Variants in ZNF48 observed in about 807,000 individuals in gnomAD.
ZNF48 encodes the protein zinc finger protein 48.
Under a neutral mutation model 40.0 loss-of-function variants are expected in ZNF48, and 20 were observed. That is an observed-to-expected ratio of 0.50 (90% CI 0.35 to 0.73). The LOEUF is 0.73. ZNF48 is among the 30% of genes least tolerant of loss of function. The pLI, the probability that ZNF48 is intolerant of heterozygous loss-of-function variation, is 0.01. For synonymous variants in ZNF48, 298 were observed against 329.7 expected (o/e 0.90, Z 1.04); for missense variants, 726 against 851.9 (o/e 0.85, Z 1.84).
chr16:30,379,142 T>C (rs1305880725), intron 1 of ZNF48: 2 of 1,614,070 alleles, frequency 1.2e-6, no homozygotes, highest in Non-Finnish European at 1.7e-6. Context: ...TGCACCAGCA[T>C]CCGTCGCAGG....
intron 1 of ZNF48, chr16:30,380,022 C>A (rs1048088121): frequency 1.9e-6 from 3 of 1,611,536 alleles, no homozygotes; most frequent in Non-Finnish European, 2.5e-6. Flanking sequence ...CTTCCTTCAA[C>A]TGATCCCGGA....
chr16:30,398,672 A>G lies in ZNF48; in HGVS notation c.1422A>G (p.Thr474=), dbSNP rs769534439. Residue 474 remains threonine, a synonymous_variant, in exon 3 of 3, where the codon ACA becomes ACG. Transcript: ENST00000613509. This position sits in a 1 kb window ranked among gnomAD's most constrained non-coding sequence, Gnocchi z 6.6. ...SDLVKHHRVH[T]GEKPYLCPEC... is the part of the protein sequence containing the mutation. ...TGGTGAAACACCATCGTGTGCACAC[A>G]GGGGAGAAACCCTACCTCTGTCCTG... 20 of 1,611,800 alleles carry G rather than the reference A, an allele frequency of 1.2e-5. No individual in the cohort carries two copies. Among genetic ancestry groups the G allele is most frequent in the East Asian group, 2.2e-5 (1 of 44,630 alleles).
At chr16:30,396,356 C>T (rs563157145) in intron 2 of ZNF48, among the ~76,000 whole-genome samples, 2 of 152,274 alleles carry the variant, frequency 1.3e-5, no homozygotes, top group Non-Finnish European at 2.9e-5. Context: ...ATTATTTTCT[C>T]TTCGCTCTGC....
chr16:30,395,260 C>G (rs1435282898), upstream of ZNF48: 1 of 456,270 alleles, frequency 2.2e-6, no homozygotes, highest in South Asian at 1.5e-5. This position sits in a 1 kb window ranked among gnomAD's most constrained non-coding sequence, Gnocchi z 5.9. Flanking sequence ...GTTAATACCA[C>G]CGAGTTCGGG....
At chr16:30,387,238 C>A (rs1411998809) in intron 1 of ZNF48, among the ~76,000 whole-genome samples, 2 of 146,158 alleles carry the variant, frequency 1.4e-5, no homozygotes, top group South Asian at 2.1e-4. Context: ...CCACCGCGCC[C>A]GGCCTTTTTT....
Position 30,381,950 on chromosome 16 carries a change from T to C in ZNF48, c.-16+3540T>C. The C allele has an allele frequency of 6.2e-7, 1 of 1,608,418 alleles. No individual in the cohort carries two copies. The stretch of plus-strand genomic sequence containing the variant: ...AGGCAGAATTAATTTCCTTTGTCAA[T>C]ATCACAGTTGCCTGCACCCATTTCC... On this transcript the variant is annotated intron_variant, in intron 1 of 2. Transcript: ENST00000528032. The surrounding 1 kb of genome is among the most constrained non-coding windows in gnomAD (Gnocchi z 4.3).
chr16:30,393,372 G>A (rs541802182), upstream of ZNF48, among the ~76,000 whole-genome samples: 3 of 151,146 alleles, frequency 2.0e-5, no homozygotes, highest in Non-Finnish European at 2.9e-5. Context: ...CACCACACCC[G>A]GCCTTTTAAA....
chr16:30,391,919 C>G (rs1388853773), upstream of ZNF48, among the ~76,000 whole-genome samples: 2 of 151,990 alleles, frequency 1.3e-5, no homozygotes, highest in Admixed American at 6.6e-5. Flanking sequence ...CTCCCTGCAA[C>G]TTTCACCTCC....
At chr16:30,383,904 G>T (rs559194083) in intron 1 of ZNF48, among the ~76,000 whole-genome samples, 1 of 152,194 alleles carries the variant, frequency 6.6e-6, no homozygotes, top group Non-Finnish European at 1.5e-5. Flanking sequence ...CCTAGGCAGG[G>T]TCATTGTCCC....
Position 30,397,422 on chromosome 16 carries a change from C to T in ZNF48, c.172C>T (p.Pro58Ser). 2 of 1,614,080 alleles carry T rather than the reference C, an allele frequency of 1.2e-6. No individual in the cohort carries two copies. The highest frequency in any genetic ancestry group is 1.3e-5 in the African/African-American group (1 of 75,030). ...GGGGTTCAAGGAAGAAGATTTGGCT[C>T]CAGATCATGAAGTAGGAAATGCCTC... is the stretch of plus-strand genomic sequence containing the variant. ...DLGFKEEDLA[P>S]DHEVGNASLK... The change falls in exon 3 of 3, where the codon CCA (proline) becomes TCA (serine). Residue 58 changes from proline to serine, a missense_variant. By Grantham distance (74) the Pro-to-Ser change is moderately conservative. Around this residue, in one of 5 missense-constraint regions of ZNF48, gnomAD observed 151 missense variants for 162.3 expected, o/e 0.93. Coordinates refer to ENST00000613509, the MANE Select transcript of ZNF48 (RefSeq NM_001214909.2). This position sits in a 1 kb window ranked among gnomAD's most constrained non-coding sequence, Gnocchi z 4.1.
At position 30,398,973 on chromosome 16, in the gene ZNF48, G is replaced by C. The variant is rs780003369; in HGVS notation, c.1723G>C (p.Glu575Gln). 1 of 1,614,058 alleles carries C rather than the reference G, an allele frequency of 6.2e-7. No individual in the cohort carries two copies. Among genetic ancestry groups the C allele is most frequent in the Admixed American group, 1.7e-5 (1 of 60,004 alleles). Residue 575 changes from glutamate to glutamine, a missense_variant, in exon 3 of 3, where the codon GAG (glutamate) becomes CAG (glutamine). Glu to Gln is a conservative substitution (Grantham distance 29). Coordinates refer to ENST00000613509, the MANE Select transcript of ZNF48 (RefSeq NM_001214909.2). This position sits in a 1 kb window ranked among gnomAD's most constrained non-coding sequence, Gnocchi z 6.6. ...GGGGGAGAAGCCATACAAGTGTGCA[G>C]AGTGTGGCAAGGGTTTTGGTGACAG... ...HTGEKPYKCA[E>Q]CGKGFGDSSA...
At chr16:30,395,248 C>T (rs1023645281), upstream of ZNF48, 3 of 456,154 alleles carry the variant, frequency 6.6e-6, no homozygotes, top group Admixed American at 2.3e-5. The surrounding 1 kb of genome is among the most constrained non-coding windows in gnomAD (Gnocchi z 5.9). Flanking sequence ...AGGAGGCACA[C>T]GGTTAATACC....
intron 1 of ZNF48, among the ~76,000 whole-genome samples, chr16:30,388,324 GT>G (rs2049916886): frequency 1.3e-5 from 2 of 151,976 alleles, no homozygotes; most frequent in Admixed American, 6.6e-5. Flanking sequence ...ATCTGTTTTT[GT>G]TTTAGTTTTT....
chr16:30,390,423 T>A (rs956550150), upstream of ZNF48, among the ~76,000 whole-genome samples: 7 of 151,988 alleles, frequency 4.6e-5, no homozygotes, highest in African/African-American at 1.2e-4. Context: ...TTATTTATTT[T>A]TTTTGAGTCG....
rs2049870206 is a variant in ZNF48 at position 30,382,871 on chromosome 16, C to G, written c.-16+4461C>G. On this transcript the variant is annotated intron_variant, in intron 1 of 2. Transcript: ENST00000528032. The surrounding 1 kb of genome is among the most constrained non-coding windows in gnomAD (Gnocchi z 4.8). ...CAGGGGAGATGAAGGTTTTGATGAG[C>G]TGATTAGAAAACAGTTCCCAGGACG... 3.1e-6 allele frequency: 4 copies of G among 1,282,512 alleles called. No individual in the cohort carries two copies. In the East Asian group the frequency reaches 1.0e-4, roughly 32 times the overall value. The allele number at this position is 1,282,512 out of a possible 1,614,324, so 79.4% of individuals were successfully genotyped here.
In ZNF48 at chr16:30,399,010, T is replaced by G. The variant is rs1349386449; in HGVS notation, c.1760T>G (p.Ile587Ser). 3 of 1,613,964 alleles carry G rather than the reference T, an allele frequency of 1.9e-6. No homozygotes were observed. The South Asian group carries it at 3.3e-5, about 18-fold the overall frequency. Residue 587 changes from isoleucine (I) to serine (S), a missense_variant, in exon 3 of 3, where the codon ATC becomes AGC. Coordinates refer to ENST00000613509, the MANE Select transcript of ZNF48 (RefSeq NM_001214909.2). ...GKGFGDSSAR[I>S]KHQRGHLVLT... ...GGTTTTGGTGACAGTTCTGCCCGCA[T>G]CAAGCACCAGCGTGGGCACCTGGTC...
At position 30,399,426 on chromosome 16, in the gene ZNF48, T is replaced by C. The variant is rs2050030398; in HGVS notation, c.*319T>C. The C allele has an allele frequency of 4.1e-6, 1 of 244,088 alleles. No individual in the cohort carries two copies. The highest frequency in any genetic ancestry group is 8.4e-5 in the East Asian group (1 of 11,966). 15.1% of individuals were successfully genotyped at this position (244,088 alleles called of 1,614,324 possible). On this transcript the variant is annotated 3_prime_UTR_variant, in exon 3 of 3. Transcript: ENST00000613509. The stretch of plus-strand genomic sequence containing the variant: ...TCAACCCTAAATTCCTGCTGCCTCA[T>C]CTGTTAAGAACTGACACTTTCCCCT...
Position 30,382,015 on chromosome 16 carries a change from T to A in ZNF48, c.-16+3605T>A. 1 of 1,597,890 alleles carries A rather than the reference T, an allele frequency of 6.3e-7. No homozygotes were observed. Among genetic ancestry groups the A allele is most frequent in the Non-Finnish European group, 8.6e-7 (1 of 1,167,762 alleles). The stretch of plus-strand genomic sequence containing the variant: ...CTCAGAAAAAAAGCAGTCAACTACC[T>A]GAGTCCCCAGATGGAAAAGACTAGG... On this transcript the variant is annotated intron_variant, in intron 1 of 2. Coordinates refer to the ZNF48 transcript ENST00000528032. This position sits in a 1 kb window ranked among gnomAD's most constrained non-coding sequence, Gnocchi z 4.8.
chr16:30,379,442 G>A (rs772941508), intron 1 of ZNF48: 3 of 1,613,520 alleles, frequency 1.9e-6, no homozygotes, highest in African/African-American at 2.7e-5. Context: ...CACCCTCCAC[G>A]GTCCCCCAGG....
Sources: allele counts gnomAD v4.1 joint callset (sites outside exome capture counted in the v4.1 genomes callset), GRCh38; gene constraint gnomAD v4.1.1; regional missense constraint gnomAD v4.1.1; non-coding constraint Gnocchi (gnomAD v3.1); transcripts MANE v1.5; gene names NCBI Gene and HGNC (gene_info 2026-07-23, HGNC 2026-07-21).